Variants in NLGN1 observed in about 807,000 individuals in gnomAD.
The protein encoded by NLGN1 is neuroligin 1.
A neutral mutation model predicts 65.5 loss-of-function variants in NLGN1; 12 were observed. The ratio of observed to expected loss-of-function variants is 0.18; its 90% CI spans 0.12 to 0.30. NLGN1 has a LOEUF of 0.30. NLGN1 is among the 10% of genes least tolerant of loss of function. The pLI is 1.00. For synonymous variants in NLGN1, 350 were observed against 359.5 expected (o/e 0.97, Z 0.30); for missense variants, 750 against 1,007.1 (o/e 0.74, Z 3.46).
chr3:174,030,378 C>A (rs915085937), intron 4 of NLGN1, among the ~76,000 whole-genome samples: 2 of 152,134 alleles, frequency 1.3e-5, no homozygotes, highest in African/African-American at 4.8e-5. Flanking sequence ...CCCGCCTCGG[C>A]CTCCCAAAGT....
chr3:173,562,780 C>T (rs1413504700), intron 2 of NLGN1, among the ~76,000 whole-genome samples: 1 of 152,170 alleles, frequency 6.6e-6, no homozygotes, highest in African/African-American at 2.4e-5. Flanking sequence ...TTTATACTCA[C>T]TCCTTTGGTT....
At chr3:173,550,752 G>T (rs1740709017) in intron 2 of NLGN1, among the ~76,000 whole-genome samples, 1 of 151,226 alleles carries the variant, frequency 6.6e-6, no homozygotes, top group Non-Finnish European at 1.5e-5. Flanking sequence ...ACTAACACAG[G>T]CGTTAATGGT....
intron 4 of NLGN1, among the ~76,000 whole-genome samples, chr3:173,986,541 G>A (rs573637212): frequency 2.0e-5 from 3 of 152,070 alleles, no homozygotes; most frequent in African/African-American, 7.2e-5. Flanking sequence ...CATGCACCAA[G>A]GGAAGATAAT....
At chr3:174,214,061 A>C (rs1577391694) in intron 4 of NLGN1, among the ~76,000 whole-genome samples, 1 of 152,072 alleles carries the variant, frequency 6.6e-6, no homozygotes, top group South Asian at 2.1e-4. Flanking sequence ...GACTTACCGT[A>C]AGGGGTTTTT....
At chr3:174,125,198 T>A (rs569469473) in intron 4 of NLGN1, among the ~76,000 whole-genome samples, 16 of 152,180 alleles carry the variant, frequency 1.1e-4, no homozygotes, top group African/African-American at 3.6e-4. Flanking sequence ...TTTTCAGATT[T>A]GAAAAGACTT....
intron 4 of NLGN1, among the ~76,000 whole-genome samples, chr3:174,207,202 A>G (rs1735589594): frequency 1.1e-4 from 1 of 9,024 alleles, no homozygotes; most frequent in Non-Finnish European, 1.9e-4. Flanking sequence ...CTCATTCATG[A>G]AAAAAAAAAA....
At chr3:173,460,721 G>A (rs141291606) in intron 2 of NLGN1, among the ~76,000 whole-genome samples, 116 of 152,144 alleles carry the variant, frequency 7.6e-4, no homozygotes, top group Non-Finnish European at 1.4e-3. Flanking sequence ...AAAGAAGTTG[G>A]GTCTACAAAT....
At chr3:173,707,816 C>G (rs1245709032) in intron 3 of NLGN1, among the ~76,000 whole-genome samples, 4 of 152,142 alleles carry the variant, frequency 2.6e-5, no homozygotes, top group African/African-American at 9.7e-5. Flanking sequence ...ATATTAATCC[C>G]AATGGACTGT....
intron 2 of NLGN1, among the ~76,000 whole-genome samples, chr3:173,435,539 GA>G (rs1383039422): frequency 6.6e-6 from 1 of 151,106 alleles, no homozygotes; most frequent in Non-Finnish European, 1.5e-5. Context: ...GTCATTTTTA[GA>G]AAAAAAAATG....
At chr3:173,558,901 G>A (rs1742166425) in intron 2 of NLGN1, among the ~76,000 whole-genome samples, 1 of 151,716 alleles carries the variant, frequency 6.6e-6, no homozygotes, top group Non-Finnish European at 1.5e-5. Flanking sequence ...TTTGATTTTT[G>A]TTGTTGTTGT....
At chr3:173,748,977 C>T (rs1246394381) in intron 3 of NLGN1, among the ~76,000 whole-genome samples, 1 of 151,974 alleles carries the variant, frequency 6.6e-6, no homozygotes, top group Non-Finnish European at 1.5e-5. Context: ...ATTATATGCA[C>T]ATAGCATGAC....
At chr3:173,500,085 C>T (rs1017973272) in intron 2 of NLGN1, among the ~76,000 whole-genome samples, 8 of 152,100 alleles carry the variant, frequency 5.3e-5, no homozygotes, top group African/African-American at 1.7e-4. Context: ...CTTCCAACAC[C>T]ATGTTGAATA....
At chr3:173,718,491 C>A (rs913384101) in intron 3 of NLGN1, among the ~76,000 whole-genome samples, 1 of 152,080 alleles carries the variant, frequency 6.6e-6, no homozygotes, top group Non-Finnish European at 1.5e-5. Flanking sequence ...ATTAGTAAAT[C>A]GATTTTATAA....
At chr3:174,281,438 TG>T (rs998121638) in exon 7 of NLGN1, 2 of 640,810 alleles carry the variant, frequency 3.1e-6, no homozygotes, top group African/African-American at 1.8e-5. Context: ...TCAAGAACTT[TG>T]GGGGTTTTGA....
chr3:173,657,040 A>G (rs1025849016), intron 3 of NLGN1, among the ~76,000 whole-genome samples: 11 of 152,050 alleles, frequency 7.2e-5, no homozygotes, highest in African/African-American at 2.7e-4. Context: ...CCATTATATA[A>G]AAAAGAAGAC....
At chr3:174,161,716 C>A (rs1448350389) in intron 4 of NLGN1, among the ~76,000 whole-genome samples, 1 of 151,858 alleles carries the variant, frequency 6.6e-6, no homozygotes, top group Admixed American at 6.6e-5. Flanking sequence ...ACAGGACTAG[C>A]GTCTCATTTT....
At chr3:173,970,580 A>G (rs1381316796) in intron 4 of NLGN1, among the ~76,000 whole-genome samples, 1 of 152,102 alleles carries the variant, frequency 6.6e-6, no homozygotes, top group African/African-American at 2.4e-5. Context: ...GTGTTAAGGC[A>G]TGAATTAAAG....
intron 4 of NLGN1, among the ~76,000 whole-genome samples, chr3:174,091,144 T>G (rs1361310501): frequency 1.3e-5 from 2 of 152,056 alleles, no homozygotes; most frequent in East Asian, 3.9e-4. Flanking sequence ...TAACCTGGAG[T>G]TGTAAAATCA....
intron 4 of NLGN1, among the ~76,000 whole-genome samples, chr3:173,922,449 T>C (rs1038931118): frequency 6.6e-6 from 1 of 152,122 alleles, no homozygotes; most frequent in South Asian, 2.1e-4. Context: ...TTTCTCATCA[T>C]GCATCTGAAC....
Sources: gnomAD v4.1 joint callset for allele counts (sites outside exome capture counted in the v4.1 genomes callset) on GRCh38, gnomAD v4.1.1 for gene constraint, MANE v1.5 for transcripts, NCBI Gene and HGNC (gene_info 2026-07-23, HGNC 2026-07-21) for gene names.